The following C4orf51 variants were observed in gnomAD, a reference collection of about 807,000 sequenced individuals.
The protein encoded by C4orf51 is chromosome 4 open reading frame 51.
In C4orf51, 25 loss-of-function variants were observed where a neutral mutation model predicts 25.2. The observed-to-expected ratio is 0.99, with a 90% CI of 0.72 to 1.39. The LOEUF (loss-of-function observed/expected upper bound fraction) is 1.39, where lower values mean the gene tolerates loss of function less well. Ranked by LOEUF, C4orf51 falls within the 40% of genes most tolerant of loss-of-function variation. C4orf51 has a pLI of 0.00. For missense variants in C4orf51, 252 were observed against 239.6 expected, an observed-to-expected ratio of 1.05 and a Z score of -0.34; for synonymous variants, 100 against 84.5, an observed-to-expected ratio of 1.18 and a Z score of -1.01.
At chr4:145,790,001 T>C in the C4orf51 span, among the ~76,000 whole-genome samples, 5 of 152,208 alleles carry the variant, frequency 3.3e-5, no homozygotes, top group Admixed American at 6.5e-5. Flanking sequence ...TGAGCACCAA[T>C]TATGTAAATT....
At chr4:145,767,422 G>GAATCCCT (rs1312967335) in intron 1 of C4orf51, among the ~76,000 whole-genome samples, 8 of 152,120 alleles carry the variant, frequency 5.3e-5, no homozygotes, top group Admixed American at 2.0e-4. Context: ...AGTTTAATTG[G>GAATCCCT]AATCCCTGGT....
chr4:145,764,602 C>T (rs1347062861), intron 1 of C4orf51: 4 of 215,614 alleles, frequency 1.9e-5, no homozygotes, highest in East Asian at 1.4e-4. Context: ...AGCAAGCCAT[C>T]GGAAAAACAG....
intron 1 of C4orf51, among the ~76,000 whole-genome samples, chr4:145,751,672 G>T (rs544831958): frequency 6.6e-6 from 1 of 152,178 alleles, no homozygotes; most frequent in African/African-American, 2.4e-5. Context: ...CAGGGCCCTA[G>T]GGCTGTACGA....
chr4:145,681,435 C>T (rs1289242364), intron 1 of C4orf51, among the ~76,000 whole-genome samples: 1 of 152,154 alleles, frequency 6.6e-6, no homozygotes, highest in African/African-American at 2.4e-5. Flanking sequence ...TTTAGTCCAA[C>T]AAAGTATAAT....
intron 2 of C4orf51, among the ~76,000 whole-genome samples, chr4:145,708,596 C>T (rs886675264): frequency 6.6e-6 from 1 of 152,192 alleles, no homozygotes; most frequent in Admixed American, 6.5e-5. Flanking sequence ...CAATTATGCA[C>T]TTGGGAACAG....
At chr4:145,783,397 T>C in the C4orf51 span, among the ~76,000 whole-genome samples, 1 of 152,368 alleles carries the variant, frequency 6.6e-6, no homozygotes, top group East Asian at 1.9e-4. Context: ...GCCTTTTGAA[T>C]TGCTGTTTTA....
the C4orf51 span, among the ~76,000 whole-genome samples, chr4:145,779,962 G>A: frequency 6.6e-6 from 1 of 152,180 alleles, no homozygotes; most frequent in Non-Finnish European, 1.5e-5. Context: ...AGGCTGAGGC[G>A]AGTAGATCAC....
At chr4:145,786,357 T>C in the C4orf51 span, among the ~76,000 whole-genome samples, 1 of 152,190 alleles carries the variant, frequency 6.6e-6, no homozygotes, top group Admixed American at 6.5e-5. Context: ...AAGGCTTTAT[T>C]TGGCGACAGC....
chr4:145,733,080 C>G (rs1732581906), downstream of C4orf51, among the ~76,000 whole-genome samples: 1 of 152,112 alleles, frequency 6.6e-6, no homozygotes, highest in African/African-American at 2.4e-5. Context: ...AGCTCAGGGG[C>G]GGAGTCGTGG....
chr4:145,740,429 C>T (rs912992924), intron 1 of C4orf51, among the ~76,000 whole-genome samples: 2 of 152,124 alleles, frequency 1.3e-5, no homozygotes, highest in Admixed American at 6.5e-5. Flanking sequence ...CTACAGTCCC[C>T]TTCATCTTTT....
chr4:145,703,255 T>C (rs7654191), intron 2 of C4orf51, among the ~76,000 whole-genome samples: 79,735 of 149,944 alleles, frequency 0.53, 21,529 homozygotes, highest in African/African-American at 0.65. Flanking sequence ...TGAAAGTCCT[T>C]TTCCTGGCTC....
At chr4:145,777,013 C>A in the C4orf51 span, among the ~76,000 whole-genome samples, 1 of 152,164 alleles carries the variant, frequency 6.6e-6, no homozygotes, top group Non-Finnish European at 1.5e-5. Context: ...AAGAACAACT[C>A]CAGTGTTCTA....
chr4:145,764,848 G>C (rs762014946), intron 1 of C4orf51: 3 of 1,117,608 alleles, frequency 2.7e-6, no homozygotes, highest in African/African-American at 1.5e-5. Context: ...AAAGGCAGCA[G>C]GGGTTCCTGA....
chr4:145,778,453 A>T, the C4orf51 span, among the ~76,000 whole-genome samples: 227 of 151,338 alleles, frequency 1.5e-3, 5 homozygotes, highest in Middle Eastern at 3.4e-3. Context: ...TTTTTTTTTT[A>T]AAAAAGTTAG....
chr4:145,747,136 A>G (rs1733412166), intron 1 of C4orf51, among the ~76,000 whole-genome samples: 1 of 152,106 alleles, frequency 6.6e-6, no homozygotes, highest in Non-Finnish European at 1.5e-5. Flanking sequence ...AGGTCCTATC[A>G]TCTGCAAACA....
intron 1 of C4orf51, among the ~76,000 whole-genome samples, chr4:145,750,150 A>C (rs952715370): frequency 7.9e-5 from 12 of 152,262 alleles, no homozygotes; most frequent in African/African-American, 2.9e-4. Flanking sequence ...TAATATGAGA[A>C]TAGTTTACAT....
At chr4:145,786,638 G>A in the C4orf51 span, among the ~76,000 whole-genome samples, 1 of 152,104 alleles carries the variant, frequency 6.6e-6, no homozygotes, top group African/African-American at 2.4e-5. Flanking sequence ...GAACTTTCTG[G>A]TCAGACTCCA....
intron 2 of C4orf51, among the ~76,000 whole-genome samples, chr4:145,700,793 G>A (rs1252636614): frequency 1.3e-5 from 2 of 151,422 alleles, no homozygotes; most frequent in African/African-American, 4.9e-5. Context: ...TCCCCTCCTC[G>A]CCAGGCCAAG....
At chr4:145,691,326 C>G (rs1729546898) in intron 1 of C4orf51, among the ~76,000 whole-genome samples, 1 of 152,102 alleles carries the variant, frequency 6.6e-6, no homozygotes, top group Non-Finnish European at 1.5e-5. Flanking sequence ...GAAAAGGGAA[C>G]ATTTATACAC....
Sources: gnomAD v4.1 joint callset for allele counts (sites outside exome capture counted in the v4.1 genomes callset) on GRCh38, gnomAD v4.1.1 for gene constraint, MANE v1.5 for transcripts, NCBI Gene and HGNC (gene_info 2026-07-23, HGNC 2026-07-21) for gene names.